PDZD7: variants seen among roughly 807,000 people sequenced by gnomAD.
PDZD7 encodes the protein PDZ domain-containing protein 7.
PDZD7 carries 72 observed loss-of-function variants against 84.7 expected under a neutral mutation model. The observed-to-expected ratio is 0.85, with a 90% CI of 0.70 to 1.03. The LOEUF (loss-of-function observed/expected upper bound fraction) is 1.03. PDZD7 is among the 50% of genes least tolerant of loss of function. The pLI, the probability that PDZD7 is intolerant of heterozygous loss-of-function variation, is 0.00. For missense variants in PDZD7, 1,490 were observed against 1,412.9 expected (o/e 1.05, Z -0.87); for synonymous variants, 594 against 580.7 (o/e 1.02, Z -0.33).
chr10:101,025,956 C>T (rs530350057), intron 2 of PDZD7, among the ~76,000 whole-genome samples: 23 of 152,256 alleles, frequency 1.5e-4, no homozygotes, highest in Admixed American at 1.2e-3. Context: ...TGAGGGTCCT[C>T]CCATCTGTTA....
chr10:101,018,288 G>C lies in PDZD7; in HGVS notation c.1333C>G (p.Gln445Glu). 1 of 1,613,670 alleles carries C rather than the reference G, an allele frequency of 6.2e-7. No homozygotes were observed. Among genetic ancestry groups the C allele is most frequent in the Non-Finnish European group, 8.5e-7 (1 of 1,179,996 alleles). Residue 445 changes from glutamine (Q) to glutamate (E), a missense_variant, in exon 9 of 17, where the codon CAG (glutamine) becomes GAG (glutamate). By Grantham distance (29) the Gln-to-Glu change is conservative. Coordinates refer to ENST00000619208, the MANE Select transcript of PDZD7 (RefSeq NM_001195263.2). ...CCCGACTTCTCCTTCTTCCGCTGCT[G>C]CTTCTCCTCTGCAGACACGAGGGAG... Reference protein sequence around the residue: ...QSYLTLWEEKQQRKKEKSGSP... With the variant: ...QSYLTLWEEKEQRKKEKSGSP...
At position 101,018,262 on chromosome 10, in the gene PDZD7, C is replaced by A. The variant is rs751994539; in HGVS notation, c.1359G>T (p.Gly453=). 1 of 1,614,014 alleles carries A rather than the reference C, an allele frequency of 6.2e-7. No homozygotes were observed. Among genetic ancestry groups the A allele is most frequent in the Non-Finnish European group, 8.5e-7 (1 of 1,180,024 alleles). Residue 453 remains glycine (G), a synonymous_variant, in exon 9 of 17, where the codon GGG becomes GGT. Coordinates refer to ENST00000619208, the MANE Select transcript of PDZD7 (RefSeq NM_001195263.2). ...EKQQRKKEKS[G]SPGEKGALQR... ...GCAGGGCACCCTTCTCCCCAGGGGA[C>A]CCCGACTTCTCCTTCTTCCGCTGCT...
In PDZD7 at chr10:101,009,500, C is replaced by T. The variant is rs533960755; in HGVS notation, c.2618-150G>A. ...TTACTACTCAAATCTCAACTCATTC[C>T]AAAATCCTCCAGATCCCAGCCCCTC... On this transcript the variant is annotated intron_variant, in intron 15 of 16. Transcript: ENST00000619208. 237 of 666,558 alleles carry T rather than the reference C, an allele frequency of 3.6e-4. 1 individual carries two copies. Among genetic ancestry groups the T allele is most frequent in the Admixed American group, 9.5e-4 (42 of 44,418 alleles). The allele number at this position is 666,558 out of a possible 1,614,324, so 41.3% of individuals were successfully genotyped here.
chr10:101,020,216 T>C (rs1430707622), intron 7 of PDZD7, among the ~76,000 whole-genome samples: 2 of 152,202 alleles, frequency 1.3e-5, no homozygotes, highest in Non-Finnish European at 2.9e-5. Flanking sequence ...CAAGCAATTC[T>C]CCTGCCTCAG....
At position 101,019,121 on chromosome 10, in the gene PDZD7, A is replaced by T. The variant is rs747243952; in HGVS notation, c.1025T>A (p.Leu342Gln). 3 of 1,548,982 alleles carry T rather than the reference A, an allele frequency of 1.9e-6. No individual in the cohort carries two copies. The African/African-American group carries it at 4.1e-5, about 21-fold the overall frequency. Residue 342 changes from leucine (L) to glutamine (Q), a missense_variant, in exon 8 of 17, where the codon CTG becomes CAG. Leu to Gln is a moderately radical substitution (Grantham distance 113). Transcript: ENST00000619208. ...GCAGATGTCCATGCGGTCCGACGGC[A>T]GGGAGCCCGAGCTGTAGGGGGCGCT... The part of the protein sequence containing the change: ...ASSAPYSSGS[L>Q]PSDRMDICLG...
chr10:101,011,380 G>T, intron 14 of PDZD7: 2 of 585,698 alleles, frequency 3.4e-6, no homozygotes, highest in Non-Finnish European at 5.1e-6. Flanking sequence ...AATCGTTACC[G>T]TTCTATTTTA....
Position 101,020,606 on chromosome 10 carries a change from T to C in PDZD7, c.928+12A>G, listed in dbSNP as rs1262736181. On this transcript the variant is annotated intron_variant, in intron 7 of 16. Coordinates refer to ENST00000619208, the MANE Select transcript of PDZD7 (RefSeq NM_001195263.2). Reference sequence around the variant, plus strand: ...CCTTTCCCTCCAACCTTGGGAGATCTGAGCCACTTACGTCGGTCCAGCCAG... The same window carrying C: ...CCTTTCCCTCCAACCTTGGGAGATCCGAGCCACTTACGTCGGTCCAGCCAG... 3 of 1,611,488 alleles carry C rather than the reference T, an allele frequency of 1.9e-6. No individual in the cohort carries two copies. In the African/African-American group the frequency reaches 4.0e-5, roughly 22 times the overall value.
At chr10:101,014,054 T>A (rs1232494256) in intron 11 of PDZD7, among the ~76,000 whole-genome samples, 2 of 150,946 alleles carry the variant, frequency 1.3e-5, no homozygotes, top group Non-Finnish European at 2.9e-5. Flanking sequence ...AGATGGGGTT[T>A]CACCATGTTG....
In PDZD7 at chr10:101,017,858, AG is replaced by A. The variant is rs1246065073; in HGVS notation, c.1522+240del. On this transcript the variant is annotated intron_variant, in intron 9 of 16. Coordinates refer to ENST00000619208, the MANE Select transcript of PDZD7 (RefSeq NM_001195263.2). ...AGGAAGGAAAGAAAGAAAGAAAGAA[AG>A]AAAGAAAGAAAGAAAGAAAGAAAGA... 4 of 212,994 alleles carry A rather than the reference AG, an allele frequency of 1.9e-5. 1 individual carries two copies. The highest frequency in any genetic ancestry group is 6.0e-5 in the South Asian group (1 of 16,804). The allele number at this position is 212,994 out of a possible 1,614,324, so 13.2% of individuals were successfully genotyped here.
Position 101,019,037 on chromosome 10 carries a change from A to T in PDZD7, c.1109T>A (p.Met370Lys). The T allele has an allele frequency of 3.2e-6, 5 of 1,574,024 alleles. No homozygotes were observed. Among genetic ancestry groups the T allele is most frequent in the Non-Finnish European group, 4.3e-6 (5 of 1,164,366 alleles). ...GPGWGRADTA[M>K]QTEPDAGGRV... ...GCCTCCCGCATCGGGCTCCGTCTGC[A>T]TGGCTGTGTCCGCCCGCCCCCAGCC... The change falls in exon 8 of 17, where the codon ATG (methionine) becomes AAG (lysine). Residue 370 changes from methionine to lysine, a missense_variant. Coordinates refer to ENST00000619208, the MANE Select transcript of PDZD7 (RefSeq NM_001195263.2).
chr10:101,024,155 C>T lies in PDZD7; in HGVS notation c.227-87G>A. On this transcript the variant is annotated intron_variant, in intron 2 of 16. Coordinates refer to ENST00000619208, the MANE Select transcript of PDZD7 (RefSeq NM_001195263.2). ...TTCCCCAACTTGGGGCCTGCAAAGG[C>T]TAGGTTGCTGGGCACAGTCACACAG... 5 of 1,601,958 alleles carry T rather than the reference C, an allele frequency of 3.1e-6. No individual in the cohort carries two copies. The South Asian group carries it at 4.4e-5, about 14-fold the overall frequency.
chr10:101,027,826 ATTTGAT>A (rs1261825082), intron 2 of PDZD7, among the ~76,000 whole-genome samples: 1 of 152,320 alleles, frequency 6.6e-6, no homozygotes, highest in Non-Finnish European at 1.5e-5. Context: ...AGTGCTTGGT[ATTTGAT>A]AGGTATTTTT....
intron 4 of PDZD7, chr10:101,023,157 C>G (rs1393798034): frequency 2.0e-6 from 1 of 487,960 alleles, no homozygotes; most frequent in Non-Finnish European, 3.8e-6. Context: ...TTACAGCACC[C>G]CTGTAGAGAG....
intron 2 of PDZD7, among the ~76,000 whole-genome samples, chr10:101,027,029 C>T (rs1009264795): frequency 5.3e-5 from 8 of 152,136 alleles, no homozygotes; most frequent in Non-Finnish European, 8.8e-5. Flanking sequence ...CTCCACTGCC[C>T]CAGCCTCTCC....
In PDZD7 at chr10:101,008,546, TGGAGGAGCCTGGCATCAGTG is replaced by T. The variant is rs985384772; in HGVS notation, c.3003_3022del (p.Thr1002AlafsTer15). On this transcript the variant is annotated frameshift_variant, in exon 17 of 17. Coordinates refer to ENST00000619208, the MANE Select transcript of PDZD7 (RefSeq NM_001195263.2). LOFTEE classifies it low-confidence loss of function (END_TRUNC). ...GGAGGGGGCTGGGCTGGGAGTTGGC[TGGAGGAGCCTGGCATCAGTG>T]GGAGGAGTCTGGGGATTGGTGGGAG... is the stretch of plus-strand genomic sequence containing the variant. 19 of 1,535,160 alleles carry T rather than the reference TGGAGGAGCCTGGCATCAGTG, an allele frequency of 1.2e-5. No homozygotes were observed. The African/African-American group carries it at 2.5e-4, about 20-fold the overall frequency.
Position 101,029,992 on chromosome 10 carries a change from A to G in PDZD7, c.226+2T>C, listed in dbSNP as rs1452503332. 2 of 1,609,348 alleles carry G rather than the reference A, an allele frequency of 1.2e-6. No homozygotes were observed. The highest frequency in any genetic ancestry group is 2.2e-5 in the East Asian group (1 of 44,752). On this transcript the variant is annotated splice_donor_variant, in intron 2 of 16. Transcript: ENST00000619208. LOFTEE classifies it high-confidence loss of function. ...AGGCCAGTGGCTGGGTCCCGCCCCTACCTTCGATGGGGGAGTTGATGAGGA... is the reference window on the plus strand; with the variant it reads ...AGGCCAGTGGCTGGGTCCCGCCCCTGCCTTCGATGGGGGAGTTGATGAGGA...
At position 101,019,225 on chromosome 10, in the gene PDZD7, G is replaced by C. The variant is rs1590061068; in HGVS notation, c.929-8C>G. 2.0e-6 allele frequency: 3 copies of C among 1,535,474 alleles called. No individual in the cohort carries two copies. Among genetic ancestry groups the C allele is most frequent in the East Asian group, 2.4e-5 (1 of 40,922 alleles). ...GCAGCACCCCGTTGCTCACTGCAGGGAGTAGAGAAGCCAGGGATCAGCGGG... is the reference window on the plus strand; with the variant it reads ...GCAGCACCCCGTTGCTCACTGCAGGCAGTAGAGAAGCCAGGGATCAGCGGG... On this transcript the variant is annotated splice_region_variant and splice_polypyrimidine_tract_variant and intron_variant, in intron 7 of 16. Transcript: ENST00000619208.
chr10:101,014,452 G>T (rs1002035406), intron 11 of PDZD7, among the ~76,000 whole-genome samples: 1 of 152,114 alleles, frequency 6.6e-6, no homozygotes, highest in Non-Finnish European at 1.5e-5. Context: ...CAGACCCAGA[G>T]CCCCACCTCG....
intron 1 of PDZD7, chr10:101,030,871 C>G (rs1244122283): frequency 6.2e-6 from 1 of 160,642 alleles, no homozygotes; most frequent in Non-Finnish European, 1.4e-5. Context: ...CCCGCGGGCT[C>G]CAGGCTGCGG....
Sources: gnomAD v4.1 joint callset for allele counts (sites outside exome capture counted in the v4.1 genomes callset) on GRCh38, gnomAD v4.1.1 for gene constraint, MANE v1.5 for transcripts, NCBI Gene and HGNC (gene_info 2026-07-23, HGNC 2026-07-21) for gene names.